Variants in VEGFC observed in about 807,000 individuals in gnomAD.
VEGFC encodes vascular endothelial growth factor C, also known as FLT4 ligand DHM.
VEGFC carries 12 observed loss-of-function variants against 46.1 expected under a neutral mutation model. The observed-to-expected ratio is 0.26, with a 90% CI of 0.17 to 0.42. The LOEUF (loss-of-function observed/expected upper bound fraction) is 0.42. Among genes scored for constraint, VEGFC ranks in the 10% least tolerant of loss-of-function variants. VEGFC has a pLI of 1.00. For synonymous variants in VEGFC, 232 were observed against 195.5 expected (o/e 1.19, Z -1.56); for missense variants, 488 against 529.4 (o/e 0.92, Z 0.77).
Position 176,729,783 on chromosome 4 carries a change from C to T in VEGFC, c.148-37G>A. ...AAATGCAAGATCAATGACTTACCAGCTTAAGGGATTTAGAAACAAATGCAC... is the reference window on the plus strand; with the variant it reads ...AAATGCAAGATCAATGACTTACCAGTTTAAGGGATTTAGAAACAAATGCAC... On this transcript the variant is annotated intron_variant, in intron 1 of 6. Coordinates refer to ENST00000618562, the MANE Select transcript of VEGFC (RefSeq NM_005429.5). The T allele has an allele frequency of 2.7e-6, 4 of 1,499,516 alleles. No individual in the cohort carries two copies. In the Middle Eastern group the frequency reaches 5.4e-4, roughly 203 times the overall value. The allele number at this position is 1,499,516 out of a possible 1,614,324, so 92.9% of individuals were successfully genotyped here. A position where few individuals can be genotyped will look rare whatever the true frequency, so the allele number is the denominator to read the frequency against.
intron 3 of VEGFC, among the ~76,000 whole-genome samples, chr4:176,722,370 GC>G (rs1734802219): frequency 1.3e-5 from 2 of 151,984 alleles, no homozygotes; most frequent in Non-Finnish European, 2.9e-5. Context: ...TTTTCTTATA[GC>G]AAATATCTGA....
intron 1 of VEGFC, among the ~76,000 whole-genome samples, chr4:176,785,829 T>G (rs540321221): frequency 6.6e-6 from 1 of 152,330 alleles, no homozygotes; most frequent in South Asian, 2.1e-4. Context: ...CATGAATATG[T>G]GTGTGGGGGG....
At chr4:176,791,459 GAAAAC>G (rs553226484) in intron 1 of VEGFC, among the ~76,000 whole-genome samples, 8 of 150,350 alleles carry the variant, frequency 5.3e-5, no homozygotes, top group Non-Finnish European at 1.0e-4. Context: ...TTATTTAAAA[GAAAAC>G]AAAACAAACA....
chr4:176,780,381 CA>C (rs1252541684), intron 1 of VEGFC, among the ~76,000 whole-genome samples: 163 of 12,252 alleles, frequency 0.013, 4 homozygotes, highest in Middle Eastern at 0.045. Flanking sequence ...GACTCCATCT[CA>C]AAAAAAAAAA....
chr4:176,790,499 C>T lies in VEGFC; in HGVS notation c.147+1666G>A, dbSNP rs114166794. ...TTAAAAATAAGTTAACTTTTTTAAT[C>T]CTCCAATCCCATACCTATACATAAC... is the stretch of plus-strand genomic sequence containing the variant. On this transcript the variant is annotated intron_variant, in intron 1 of 6. Transcript: ENST00000618562. 4.5e-3 allele frequency among the ~76,000 whole-genome samples: 669 copies of T among 148,858 alleles called. 2 individuals carry two copies. The highest frequency in any genetic ancestry group is 7.2e-3 in the Non-Finnish European group (487 of 67,200).
intron 3 of VEGFC, among the ~76,000 whole-genome samples, chr4:176,717,638 T>C (rs1170203011): frequency 6.6e-6 from 1 of 152,096 alleles, no homozygotes; most frequent in Non-Finnish European, 1.5e-5. Context: ...AAAAATGCCT[T>C]CCTTTAAAAC....
At chr4:176,713,436 A>G (rs1283767223) in intron 3 of VEGFC, among the ~76,000 whole-genome samples, 2 of 152,180 alleles carry the variant, frequency 1.3e-5, no homozygotes, top group Non-Finnish European at 2.9e-5. Flanking sequence ...TACAGAAGAC[A>G]TACAAAGTGG....
In VEGFC at chr4:176,792,378, T is replaced by G; in HGVS notation, c.-67A>C. On this transcript the variant is annotated 5_prime_UTR_variant, in exon 1 of 7. Coordinates refer to ENST00000618562, the MANE Select transcript of VEGFC (RefSeq NM_005429.5). This position sits in a 1 kb window ranked among gnomAD's most constrained non-coding sequence, Gnocchi z 6.3. ...GCAGGGGTGGGGGCGCGGGCGCCCC[T>G]GCGAGGCCGCGGGCCCCTCCTGGTC... The G allele has an allele frequency of 1.6e-6, 2 of 1,268,808 alleles. No individual in the cohort carries two copies. The highest frequency in any genetic ancestry group is 1.0e-6 in the Non-Finnish European group (1 of 968,842). The allele number at this position is 1,268,808 out of a possible 1,614,324, so 78.6% of individuals were successfully genotyped here.
At chr4:176,751,129 TAAAC>T (rs957129980) in intron 1 of VEGFC, among the ~76,000 whole-genome samples, 8 of 151,732 alleles carry the variant, frequency 5.3e-5, no homozygotes, top group African/African-American at 1.7e-4. Flanking sequence ...AAAATGTACT[TAAAC>T]AATCTAAAAG....
chr4:176,743,450 G>A (rs907938023), intron 1 of VEGFC, among the ~76,000 whole-genome samples: 11 of 151,704 alleles, frequency 7.3e-5, no homozygotes, highest in Admixed American at 5.3e-4. Flanking sequence ...CATGACAACT[G>A]ACTAGAGACG....
intron 3 of VEGFC, among the ~76,000 whole-genome samples, chr4:176,717,173 A>G (rs571390311): frequency 1.3e-5 from 2 of 152,324 alleles, no homozygotes; most frequent in Non-Finnish European, 2.9e-5. Context: ...TTGTAATAAT[A>G]CAATTCATTA....
chr4:176,750,885 T>C (rs72713963), intron 1 of VEGFC, among the ~76,000 whole-genome samples: 19,502 of 151,588 alleles, frequency 0.13, 1,686 homozygotes, highest in Non-Finnish European at 0.19. Context: ...TTCTATACGT[T>C]TGAAAACTTC....
chr4:176,714,009 A>G (rs1734659044), intron 3 of VEGFC, among the ~76,000 whole-genome samples: 2 of 152,188 alleles, frequency 1.3e-5, no homozygotes, highest in South Asian at 4.1e-4. Context: ...ACGGGGGACA[A>G]GAAGAGGTGC....
intron 1 of VEGFC, among the ~76,000 whole-genome samples, chr4:176,760,500 A>G (rs1040696330): frequency 1.3e-5 from 2 of 152,176 alleles, no homozygotes; most frequent in Non-Finnish European, 2.9e-5. Flanking sequence ...CTGTCTATAT[A>G]TTCTTAATAA....
At chr4:176,720,443 A>G (rs1238009990) in intron 3 of VEGFC, among the ~76,000 whole-genome samples, 1 of 152,142 alleles carries the variant, frequency 6.6e-6, no homozygotes, top group Admixed American at 6.5e-5. Context: ...TTTTATTCAA[A>G]TATTCATTTT....
intron 4 of VEGFC, among the ~76,000 whole-genome samples, chr4:176,694,142 A>G (rs1222539767): frequency 6.6e-6 from 1 of 151,924 alleles, no homozygotes; most frequent in Non-Finnish European, 1.5e-5. Context: ...TTAACTTTAA[A>G]TGTCAATGGA....
At chr4:176,776,265 G>A (rs1174614430) in intron 1 of VEGFC, among the ~76,000 whole-genome samples, 1 of 152,130 alleles carries the variant, frequency 6.6e-6, no homozygotes, top group Non-Finnish European at 1.5e-5. Context: ...AAGAAGAAAA[G>A]CAGTGCCTTA....
intron 1 of VEGFC, among the ~76,000 whole-genome samples, chr4:176,734,878 A>C (rs541657789): frequency 1.3e-5 from 2 of 152,002 alleles, no homozygotes; most frequent in Admixed American, 1.3e-4. Context: ...TTAAAATTTA[A>C]ACTGATAATT....
At chr4:176,700,373 C>T (rs1358993623) in intron 4 of VEGFC, among the ~76,000 whole-genome samples, 3 of 151,280 alleles carry the variant, frequency 2.0e-5, no homozygotes, top group Non-Finnish European at 2.9e-5. Flanking sequence ...GCTGAGATCA[C>T]GCCACTGCAC....
Sources: gnomAD v4.1 joint callset for allele counts (sites outside exome capture counted in the v4.1 genomes callset) on GRCh38, gnomAD v4.1.1 for gene constraint, Gnocchi (gnomAD v3.1) non-coding constraint, MANE v1.5 for transcripts, NCBI Gene and HGNC (gene_info 2026-07-23, HGNC 2026-07-21) for gene names.